The following RORB variants were observed in gnomAD, a reference collection of about 807,000 sequenced individuals.
RORB encodes the protein nuclear receptor ROR-beta.
Under a neutral mutation model 59.1 loss-of-function variants are expected in RORB, and 6 were observed. The ratio of observed to expected loss-of-function variants is 0.10; its 90% CI spans 0.06 to 0.20. RORB has a LOEUF of 0.20. Among genes scored for constraint, RORB ranks in the 10% least tolerant of loss-of-function variants. RORB has a pLI of 1.00. For synonymous variants in RORB, 215 were observed against 204.5 expected (o/e 1.05, Z -0.44); for missense variants, 320 against 560.5 (o/e 0.57, Z 4.33).
At chr9:74,498,192 C>T (rs1318661246) in intron 1 of RORB, 1 of 610,518 alleles carries the variant, frequency 1.6e-6, no homozygotes. Context: ...TCTGGAGGGA[C>T]GCGGGAGGGC....
At chr9:74,630,224 A>C (rs1823593403) in intron 1 of RORB, 58 bp from the exon 2 acceptor site, 1 of 1,595,060 alleles carries the variant, frequency 6.3e-7, no homozygotes, top group Non-Finnish European at 8.6e-7. Flanking sequence ...AGAGATAGGA[A>C]GAGTGAAAGG....
intron 1 of RORB, among the ~76,000 whole-genome samples, chr9:74,625,854 A>G (rs1823503305): frequency 6.6e-6 from 1 of 152,224 alleles, no homozygotes; most frequent in Non-Finnish European, 1.5e-5. Flanking sequence ...GAGAGCCATA[A>G]GAACAAACAC....
At chr9:74,509,605 G>A (rs565112496) in intron 1 of RORB, among the ~76,000 whole-genome samples, 2 of 152,076 alleles carry the variant, frequency 1.3e-5, no homozygotes, top group South Asian at 4.1e-4. Context: ...GTTAAGAGGC[G>A]GGTTCTCTAT....
intron 4 of RORB, among the ~76,000 whole-genome samples, chr9:74,658,063 T>A (rs1824117859): frequency 6.6e-6 from 1 of 151,974 alleles, no homozygotes. Flanking sequence ...TTTGTTTTTT[T>A]AATCTGTACC....
At chr9:74,501,911 C>T (rs896939529) in intron 1 of RORB, among the ~76,000 whole-genome samples, 2 of 152,110 alleles carry the variant, frequency 1.3e-5, no homozygotes, top group Non-Finnish European at 2.9e-5. Context: ...GATTAAAACT[C>T]CTTTCTTGGC....
At chr9:74,594,107 C>T (rs866994825) in intron 1 of RORB, among the ~76,000 whole-genome samples, 30 of 152,336 alleles carry the variant, frequency 2.0e-4, no homozygotes, top group Middle Eastern at 3.4e-3. Flanking sequence ...CTATAAAATT[C>T]TGGATGGCTG....
At chr9:74,603,941 C>T (rs1386723912) in intron 1 of RORB, among the ~76,000 whole-genome samples, 3 of 152,180 alleles carry the variant, frequency 2.0e-5, no homozygotes, top group African/African-American at 4.8e-5. Context: ...ATCGTCCTAA[C>T]TATTATGCTA....
At position 74,630,280 on chromosome 9, in the gene RORB, A is replaced by G; in HGVS notation, c.8-2A>G. ...CTCAAAATGTCTGTTTTCTCCTTTCAGCACAAATTGAAGTGATACCATGCA... is the reference window on the plus strand; with the variant it reads ...CTCAAAATGTCTGTTTTCTCCTTTCGGCACAAATTGAAGTGATACCATGCA... On this transcript the variant is annotated splice_acceptor_variant, in intron 1 of 9. Transcript: ENST00000376896. LOFTEE classifies it high-confidence loss of function. The G allele has an allele frequency of 6.2e-7, 1 of 1,612,594 alleles. No homozygotes were observed. Among genetic ancestry groups the G allele is most frequent in the Non-Finnish European group, 8.5e-7 (1 of 1,178,682 alleles).
chr9:74,528,162 T>C (rs1211020433), intron 1 of RORB, among the ~76,000 whole-genome samples: 1 of 151,950 alleles, frequency 6.6e-6, no homozygotes, highest in Non-Finnish European at 1.5e-5. Context: ...CAGAGAGACC[T>C]TGAAGGAAGA....
Position 74,528,126 on chromosome 9 carries a change from G to A in RORB, c.7+30143G>A, listed in dbSNP as rs573455340. On this transcript the variant is annotated intron_variant, in intron 1 of 9. Transcript: ENST00000376896. ...TAAACCTCAGTGGCATAAAACCAGA[G>A]ATCATTTTTTCACTAGGGCAAGGAT... Among the ~76,000 whole-genome samples the A allele has an allele frequency of 3.3e-5, 5 of 152,044 alleles. No individual in the cohort carries two copies. In the South Asian group the frequency reaches 1.0e-3, roughly 32 times the overall value.
In RORB at chr9:74,688,667, T is replaced by G. The variant is rs766769295; in HGVS notation, c.*3049T>G. The G allele has an allele frequency of 6.6e-6, 1 of 152,124 alleles. No homozygotes were observed. The highest frequency in any genetic ancestry group is 1.5e-5 in the Non-Finnish European group (1 of 68,026). The allele number at this position is 152,124 out of a possible 1,614,324, so 9.4% of individuals were successfully genotyped here. On this transcript the variant is annotated 3_prime_UTR_variant, in exon 10 of 10. Transcript: ENST00000376896. The stretch of plus-strand genomic sequence containing the variant: ...AAATGTGAATGGTATAAATTAAATA[T>G]GTTGCTGAGAGCACCTCTCTGACAA...
chr9:74,583,511 T>TG (rs1203363006), intron 1 of RORB, among the ~76,000 whole-genome samples: 13 of 151,966 alleles, frequency 8.6e-5, no homozygotes, highest in Non-Finnish European at 1.8e-4. Flanking sequence ...TAACCTAATT[T>TG]GGTTACAAAT....
chr9:74,625,603 C>G (rs994173921), intron 1 of RORB, among the ~76,000 whole-genome samples: 1 of 152,032 alleles, frequency 6.6e-6, no homozygotes, highest in Non-Finnish European at 1.5e-5. Flanking sequence ...AAAGTGAGAC[C>G]CTGTCTCAAA....
intron 1 of RORB, among the ~76,000 whole-genome samples, chr9:74,543,318 G>T (rs1279982078): frequency 1.3e-5 from 2 of 152,236 alleles, no homozygotes; most frequent in Non-Finnish European, 2.9e-5. Context: ...TGAGCAACAG[G>T]ACGGTGTGGA....
At chr9:74,675,422 A>G (rs370386208) in intron 9 of RORB, among the ~76,000 whole-genome samples, 3 of 151,968 alleles carry the variant, frequency 2.0e-5, no homozygotes, top group East Asian at 1.9e-4. Flanking sequence ...TTGTCTGGGA[A>G]ATGAGTAGGT....
At chr9:74,591,326 C>T (rs1221547982) in intron 1 of RORB, among the ~76,000 whole-genome samples, 1 of 152,118 alleles carries the variant, frequency 6.6e-6, no homozygotes, top group African/African-American at 2.4e-5. Context: ...ATGAATGAAC[C>T]GCTTTCCACT....
At chr9:74,500,417 G>T (rs1481072254) in intron 1 of RORB, among the ~76,000 whole-genome samples, 1 of 152,150 alleles carries the variant, frequency 6.6e-6, no homozygotes, top group Non-Finnish European at 1.5e-5. Context: ...ACTTGAGAGT[G>T]AACTTGAGAA....
intron 1 of RORB, among the ~76,000 whole-genome samples, chr9:74,579,928 T>G (rs1822696399): frequency 6.6e-6 from 1 of 152,120 alleles, no homozygotes; most frequent in African/African-American, 2.4e-5. Flanking sequence ...CAGTTAACTA[T>G]AGTCTGAAAA....
At chr9:74,515,438 T>A (rs1195305525) in intron 1 of RORB, among the ~76,000 whole-genome samples, 5 of 152,002 alleles carry the variant, frequency 3.3e-5, no homozygotes, top group Admixed American at 3.3e-4. Context: ...CCATTGTGTT[T>A]TTTACATAGC....
Sources: allele counts gnomAD v4.1 joint callset (sites outside exome capture counted in the v4.1 genomes callset), GRCh38; gene constraint gnomAD v4.1.1; transcripts MANE v1.5; gene names NCBI Gene and HGNC (gene_info 2026-07-23, HGNC 2026-07-21).